The following XNDC1N variants were observed in gnomAD, a reference collection of about 807,000 sequenced individuals.
The protein encoded by XNDC1N is protein XNDC1N.
chr11:71,895,318 T>C, the XNDC1N span, among the ~76,000 whole-genome samples: 2 of 149,100 alleles, frequency 1.3e-5, no homozygotes, highest in African/African-American at 5.1e-5. Context: ...TTTCTTTCCC[T>C]TTTTTTTTGA....
At chr11:71,891,383 T>C in the XNDC1N span, among the ~76,000 whole-genome samples, 1 of 151,616 alleles carries the variant, frequency 6.6e-6, no homozygotes, top group Non-Finnish European at 1.5e-5. Context: ...ATATTGGGAG[T>C]AAGATCATCC....
the XNDC1N span, among the ~76,000 whole-genome samples, chr11:71,901,414 T>G: frequency 3.3e-5 from 5 of 152,076 alleles, no homozygotes; most frequent in Admixed American, 3.3e-4. Flanking sequence ...CTGGCCCACA[T>G]GGTGAAACCA....
At chr11:71,886,208 C>G in the XNDC1N span, among the ~76,000 whole-genome samples, 15 of 152,198 alleles carry the variant, frequency 9.9e-5, no homozygotes, top group African/African-American at 3.4e-4. Flanking sequence ...CCGTCCTATA[C>G]CGAAAAGCCA....
At chr11:71,919,948 T>TTTTTTC in the XNDC1N span, among the ~76,000 whole-genome samples, 1 of 87,036 alleles carries the variant, frequency 1.1e-5, no homozygotes, top group Non-Finnish European at 2.2e-5. Context: ...TTTTTTTTTT[T>TTTTTTC]TTTTTTTTTT....
the XNDC1N span, among the ~76,000 whole-genome samples, chr11:71,920,946 C>A: frequency 2.0e-5 from 3 of 152,100 alleles, no homozygotes; most frequent in African/African-American, 7.2e-5. Context: ...GCCTGGGAGA[C>A]AGAGTGAGAC....
the XNDC1N span, among the ~76,000 whole-genome samples, chr11:71,866,823 C>A: frequency 2.6e-5 from 4 of 151,596 alleles, no homozygotes; most frequent in East Asian, 1.9e-4. Flanking sequence ...ACTCTCAGAC[C>A]TTTGCCAGTT....
At chr11:71,899,278 G>T in the XNDC1N span, among the ~76,000 whole-genome samples, 1 of 152,114 alleles carries the variant, frequency 6.6e-6, no homozygotes, top group East Asian at 1.9e-4. Flanking sequence ...TGAAGACGGA[G>T]TCTGAGCCTC....
At chr11:71,869,811 T>C in the XNDC1N span, among the ~76,000 whole-genome samples, 762 of 152,312 alleles carry the variant, frequency 5.0e-3, 14 homozygotes, top group East Asian at 0.075. Context: ...AAGAAGACAC[T>C]CTGGCTTTTT....
the XNDC1N span, among the ~76,000 whole-genome samples, chr11:71,919,777 C>T: frequency 1.3e-5 from 2 of 150,236 alleles, no homozygotes; most frequent in East Asian, 2.0e-4. Flanking sequence ...ACCACCATGC[C>T]CGGCTAATTT....
chr11:71,909,395 G>A, the XNDC1N span, among the ~76,000 whole-genome samples: 350 of 152,054 alleles, frequency 2.3e-3, no homozygotes, highest in African/African-American at 7.5e-3. Context: ...AGTTTGCAGC[G>A]TAACCAGTGT....
chr11:71,887,791 C>A, the XNDC1N span, among the ~76,000 whole-genome samples: 8,172 of 150,422 alleles, frequency 0.054, 157 homozygotes, highest in African/African-American at 0.12. Context: ...AACTGACTTT[C>A]CATCCAACAG....
chr11:71,880,078 AATTAT>A, the XNDC1N span, among the ~76,000 whole-genome samples: 1 of 152,192 alleles, frequency 6.6e-6, no homozygotes, highest in African/African-American at 2.4e-5. Flanking sequence ...AATTCTGTAT[AATTAT>A]ATAAATGATG....
the XNDC1N span, among the ~76,000 whole-genome samples, chr11:71,874,424 T>G: frequency 6.6e-6 from 1 of 152,096 alleles, no homozygotes; most frequent in African/African-American, 2.4e-5. Flanking sequence ...ATGCTCAGAG[T>G]TTTTGTTCGT....
At chr11:71,890,895 T>G in the XNDC1N span, among the ~76,000 whole-genome samples, 12 of 151,982 alleles carry the variant, frequency 7.9e-5, no homozygotes, top group Admixed American at 3.9e-4. Flanking sequence ...GGAAAAAATG[T>G]CACTGGGGAT....
At chr11:71,874,490 A>G in the XNDC1N span, among the ~76,000 whole-genome samples, 1 of 152,218 alleles carries the variant, frequency 6.6e-6, no homozygotes, top group Non-Finnish European at 1.5e-5. Context: ...AGAGAGCAAG[A>G]CTAAGGGGAG....
At chr11:71,886,789 G>A in the XNDC1N span, among the ~76,000 whole-genome samples, 24 of 152,098 alleles carry the variant, frequency 1.6e-4, no homozygotes, top group African/African-American at 4.6e-4. Flanking sequence ...GCAGTAAGCC[G>A]TAAGGAAAAC....
the XNDC1N span, among the ~76,000 whole-genome samples, chr11:71,922,665 G>A: frequency 6.6e-6 from 1 of 152,184 alleles, no homozygotes; most frequent in Non-Finnish European, 1.5e-5. Context: ...AAGCCTGGGG[G>A]CCAGGGATGC....
At chr11:71,922,748 TGAGA>T in the XNDC1N span, among the ~76,000 whole-genome samples, 2 of 152,138 alleles carry the variant, frequency 1.3e-5, no homozygotes, top group Non-Finnish European at 2.9e-5. Flanking sequence ...TGGCACCCCT[TGAGA>T]AAGACCAGGA....
chr11:71,899,868 C>T, the XNDC1N span, among the ~76,000 whole-genome samples: 1 of 152,144 alleles, frequency 6.6e-6, no homozygotes, highest in Admixed American at 6.5e-5. Flanking sequence ...GAGAGGAAGG[C>T]CCCTGTCTCC....
Sources: allele counts gnomAD v4.1 joint callset (sites outside exome capture counted in the v4.1 genomes callset), GRCh38; gene constraint gnomAD v4.1.1; transcripts MANE v1.5; gene names NCBI Gene and HGNC (gene_info 2026-07-23, HGNC 2026-07-21).